Variants in DNAL1 observed in about 807,000 individuals in gnomAD.
The protein encoded by DNAL1 is chromosome 14 open reading frame 168.
Under a neutral mutation model 29.4 loss-of-function variants are expected in DNAL1, and 17 were observed. That is an observed-to-expected ratio of 0.58 (90% CI 0.40 to 0.87). The LOEUF is 0.87. Ranked by LOEUF, DNAL1 falls within the 40% of genes least tolerant of loss-of-function variation. DNAL1 has a pLI of 0.00. For missense variants in DNAL1, 188 were observed against 214.1 expected, an observed-to-expected ratio of 0.88 and a Z score of 0.76; for synonymous variants, 78 against 76.3, an observed-to-expected ratio of 1.02 and a Z score of -0.12.
chr14:73,696,519 C>A lies in DNAL1; in HGVS notation c.*577C>A, dbSNP rs962402937. 6.6e-6 allele frequency: 1 copy of A among 152,268 alleles called. No individual in the cohort carries two copies. Among genetic ancestry groups the A allele is most frequent in the African/African-American group, 2.4e-5 (1 of 41,412 alleles). The allele number at this position is 152,268 out of a possible 1,614,324, so 9.4% of individuals were successfully genotyped here. Reference sequence around the variant, plus strand: ...AGTAGTATCTCAGAGACCTTCTAGTCTATATTATACTTATTTGTTTTTCCA... The same window carrying A: ...AGTAGTATCTCAGAGACCTTCTAGTATATATTATACTTATTTGTTTTTCCA... On this transcript the variant is annotated 3_prime_UTR_variant, in exon 8 of 8. Coordinates refer to ENST00000553645, the MANE Select transcript of DNAL1 (RefSeq NM_031427.4).
intron 1 of DNAL1, among the ~76,000 whole-genome samples, chr14:73,649,934 T>C (rs1891074993): frequency 6.6e-6 from 1 of 152,174 alleles, no homozygotes; most frequent in Non-Finnish European, 1.5e-5. Flanking sequence ...ACTTATACTA[T>C]GCAATACAAT....
chr14:73,655,009 T>A, intron 2 of DNAL1, 124 bp downstream of exon 2: 1 of 984,842 alleles, frequency 1.0e-6, no homozygotes, highest in Non-Finnish European at 1.5e-6. Flanking sequence ...CTATCTTGTC[T>A]ATGGTGGTGG....
In DNAL1 at chr14:73,654,845, A is replaced by ATT. The variant is rs1891178477; in HGVS notation, c.4-2_4-1insTT. 1 of 1,512,158 alleles carries ATT rather than the reference A, an allele frequency of 6.6e-7. No individual in the cohort carries two copies. The allele number at this position is 1,512,158 out of a possible 1,614,324, so 93.7% of individuals were successfully genotyped here. ...TTTTCTTTCTTTTTTTTTTTTTTAAAGGCGAAAGCAACAACAATCAAAGAA... is the reference window on the plus strand; with the variant it reads ...TTTTCTTTCTTTTTTTTTTTTTTAAATTGGCGAAAGCAACAACAATCAAAGAA... On this transcript the variant is annotated splice_acceptor_variant, in intron 1 of 7. Transcript: ENST00000553645. LOFTEE classifies it high-confidence loss of function.
chr14:73,681,980 T>C (rs984867701), intron 5 of DNAL1, among the ~76,000 whole-genome samples: 5 of 151,242 alleles, frequency 3.3e-5, no homozygotes, highest in Non-Finnish European at 1.5e-5. Flanking sequence ...GGCGTGGTGG[T>C]GCATGCCTAT....
At chr14:73,684,931 CATTT>C (rs74378828) in intron 5 of DNAL1, among the ~76,000 whole-genome samples, 34,528 of 151,870 alleles carry the variant, frequency 0.23, 4,974 homozygotes, top group Non-Finnish European at 0.33. Context: ...GATTTTATGG[CATTT>C]CATAAAGCTC....
chr14:73,645,965 GT>G (rs1464599888), intron 1 of DNAL1, among the ~76,000 whole-genome samples: 1 of 152,188 alleles, frequency 6.6e-6, no homozygotes, highest in African/African-American at 2.4e-5. Context: ...TCTTCTTTTT[GT>G]GATTCCAGTG....
chr14:73,673,406 G>A (rs1415499495), intron 5 of DNAL1, among the ~76,000 whole-genome samples: 1 of 152,056 alleles, frequency 6.6e-6, no homozygotes, highest in East Asian at 1.9e-4. Flanking sequence ...AATACCCAGA[G>A]ACCACAAATA....
chr14:73,669,301 G>A (rs1019967702), intron 4 of DNAL1, among the ~76,000 whole-genome samples: 74 of 150,464 alleles, frequency 4.9e-4, no homozygotes, highest in Non-Finnish European at 3.5e-4. Context: ...TTTTTGAGAG[G>A]GAATCTTGCT....
chr14:73,674,316 G>T (rs1418269168), intron 5 of DNAL1, among the ~76,000 whole-genome samples: 1 of 152,092 alleles, frequency 6.6e-6, no homozygotes, highest in African/African-American at 2.4e-5. Flanking sequence ...TTTCCACAAT[G>T]CGGACCCCTT....
chr14:73,687,513 A>G (rs1892048132), intron 6 of DNAL1, 128 bp downstream of exon 6: 1 of 1,097,470 alleles, frequency 9.1e-7, no homozygotes, highest in Non-Finnish European at 1.2e-6. Context: ...ATTTATGGCT[A>G]AGCTCAGAGA....
intron 7 of DNAL1, among the ~76,000 whole-genome samples, chr14:73,695,445 GC>G (rs1892280276): frequency 6.6e-6 from 1 of 152,038 alleles, no homozygotes; most frequent in South Asian, 2.1e-4. Flanking sequence ...CCCCTGAGAA[GC>G]TTTTCAGATA....
intron 5 of DNAL1, among the ~76,000 whole-genome samples, chr14:73,679,531 G>T (rs974434334): frequency 1.3e-5 from 2 of 152,168 alleles, no homozygotes; most frequent in Non-Finnish European, 2.9e-5. Flanking sequence ...AGGGCAGAAG[G>T]AAAGGGGAGG....
rs1428893963 is a variant in DNAL1 at position 73,658,890 on chromosome 14, A to G, written c.86A>G (p.Lys29Arg). The G allele has an allele frequency of 6.2e-7, 1 of 1,601,816 alleles. No homozygotes were observed. Among genetic ancestry groups the G allele is most frequent in the Admixed American group, 1.7e-5 (1 of 58,704 alleles). Residue 29 changes from lysine (K) to arginine (R), a missense_variant, in exon 3 of 8, where the codon AAA (lysine) becomes AGA (arginine). Coordinates refer to ENST00000553645, the MANE Select transcript of DNAL1 (RefSeq NM_031427.4). ...AGGCCATCTGAAGCCAAAGAGATAA[A>G]ACTTTATGCCCAGATTCCCCCTATA... Reference protein sequence around the residue: ...GQRPSEAKEIKLYAQIPPIEK... With the variant: ...GQRPSEAKEIRLYAQIPPIEK...
chr14:73,694,872 A>G (rs1892266329), intron 7 of DNAL1, among the ~76,000 whole-genome samples: 2 of 151,848 alleles, frequency 1.3e-5, no homozygotes, highest in Non-Finnish European at 2.9e-5. Flanking sequence ...TATTTTTAGT[A>G]GAGATGGGGT....
rs1168454802 is a variant in DNAL1 at position 73,701,159 on chromosome 14, G to A, written c.*5217G>A. ...GGATTCTAGTTAATTTCCCATATTG[G>A]GCAGTTTAGAGGAGACCCAGCCAAC... On this transcript the variant is annotated 3_prime_UTR_variant, in exon 8 of 8. Transcript: ENST00000553645. 1.3e-5 allele frequency: 2 copies of A among 152,096 alleles called. No individual in the cohort carries two copies. The highest frequency in any genetic ancestry group is 4.8e-5 in the African/African-American group (2 of 41,428). The allele number at this position is 152,096 out of a possible 1,614,324, so 9.4% of individuals were successfully genotyped here. A position where few individuals can be genotyped will look rare whatever the true frequency, so the allele number is the denominator to read the frequency against.
At chr14:73,649,581 C>A (rs1891068443) in intron 1 of DNAL1, among the ~76,000 whole-genome samples, 1 of 152,126 alleles carries the variant, frequency 6.6e-6, no homozygotes, top group African/African-American at 2.4e-5. Flanking sequence ...CGCGCCCGGG[C>A]TGTTTGAGAT....
chr14:73,685,185 G>C (rs1891988981), intron 5 of DNAL1, among the ~76,000 whole-genome samples: 1 of 152,114 alleles, frequency 6.6e-6, no homozygotes, highest in African/African-American at 2.4e-5. Context: ...GTGGTAGTAA[G>C]TAGACTTGCA....
At position 73,696,173 on chromosome 14, in the gene DNAL1, G is replaced by A. The variant is rs910559841; in HGVS notation, c.*231G>A. ...CTCTTTTTAGAAACCACAAATTTTC[G>A]ATTTTTGTCTTCAGTCTCAGTTACG... On this transcript the variant is annotated 3_prime_UTR_variant, in exon 8 of 8. Transcript: ENST00000553645. 5 of 424,814 alleles carry A rather than the reference G, an allele frequency of 1.2e-5. No individual in the cohort carries two copies. In the South Asian group the frequency reaches 1.2e-4, roughly 10 times the overall value. The allele number at this position is 424,814 out of a possible 1,614,324, so 26.3% of individuals were successfully genotyped here. A position where few individuals can be genotyped will look rare whatever the true frequency, so the allele number is the denominator to read the frequency against.
intron 4 of DNAL1, among the ~76,000 whole-genome samples, chr14:73,662,890 T>C (rs779768535): frequency 9.9e-5 from 15 of 151,956 alleles, no homozygotes; most frequent in Non-Finnish European, 2.2e-4. Context: ...GGGGAGCCAT[T>C]GTTTAGCCTA....
Sources: allele counts gnomAD v4.1 joint callset (sites outside exome capture counted in the v4.1 genomes callset), GRCh38; gene constraint gnomAD v4.1.1; transcripts MANE v1.5; gene names NCBI Gene and HGNC (gene_info 2026-07-23, HGNC 2026-07-21).